UMOD: variants seen among roughly 807,000 people sequenced by gnomAD.
UMOD encodes the protein uromodulin.
A neutral mutation model predicts 66.0 loss-of-function variants in UMOD; 64 were observed. That is an observed-to-expected ratio of 0.97 (90% CI 0.79 to 1.19). UMOD has a LOEUF of 1.19. Among genes scored for constraint, UMOD ranks in the 50% most tolerant of loss-of-function variants. UMOD has a pLI of 0.00. For synonymous variants in UMOD, 398 were observed against 352.7 expected (o/e 1.13, Z -1.44); for missense variants, 764 against 850.9 (o/e 0.90, Z 1.27).
chr16:20,353,611 C>A (rs528391921), upstream of UMOD, among the ~76,000 whole-genome samples: 1 of 152,240 alleles, frequency 6.6e-6, no homozygotes, highest in African/African-American at 2.4e-5. Context: ...AATGACAGAG[C>A]CTGAGTTAAA....
chr16:20,344,207 G>GGGGGGGGGC, intron 5 of UMOD, 35 bp from the exon 6 acceptor site: 1 of 1,360,790 alleles, frequency 7.3e-7, no homozygotes, highest in Non-Finnish European at 1.0e-6. Context: ...GGGGGGTGGG[G>GGGGGGGGGC]ATGAGAGAAA....
intron 7 of UMOD, among the ~76,000 whole-genome samples, chr16:20,340,096 C>T (rs1366512364): frequency 1.3e-5 from 2 of 152,270 alleles, no homozygotes; most frequent in South Asian, 2.1e-4. Context: ...CTACTCAGCT[C>T]TCTGGTGAAG....
rs775408588 is a variant in UMOD, at chr16:20,348,870, TC to T, written c.430del (p.Asp144MetfsTer100). ...CGGGGAGCACTCACAGTGCCATCCATCCCCCCGGTAGCCCGCGGGGCATACG... is the reference window on the plus strand; with the variant it reads ...CGGGGAGCACTCACAGTGCCATCCATCCCCCGGTAGCCCGCGGGGCATACG... Reference protein sequence around the residue: ...LCVCPAGYRGDGWHCECSPGS... With the variant: ...LCVCPAGYRGXGWHCECSPGS... On this transcript the variant is annotated frameshift_variant, in exon 3 of 11. Transcript: ENST00000396138. LOFTEE classifies it high-confidence loss of function. 23 of 1,549,158 alleles carry T rather than the reference TC, an allele frequency of 1.5e-5. No homozygotes were observed. The South Asian group carries it at 2.5e-4, about 17-fold the overall frequency.
chr16:20,350,771 TAGC>T lies in UMOD; in HGVS notation c.-37_-35del. 1 of 1,614,002 alleles carries T rather than the reference TAGC, an allele frequency of 6.2e-7. No individual in the cohort carries two copies. Among genetic ancestry groups the T allele is most frequent in the Non-Finnish European group, 8.5e-7 (1 of 1,179,924 alleles). ...CTCTTCCCGCTACTTCAGGTCTAGA[TAGC>T]ACCTGCCCAAAGGAAAGACGGGTTG... On this transcript the variant is annotated 5_prime_UTR_variant, in exon 2 of 11. Transcript: ENST00000396138.
In UMOD at chr16:20,349,992, C is replaced by T; in HGVS notation, c.88+658G>A. The T allele has an allele frequency of 2.8e-6, 3 of 1,063,060 alleles. No individual in the cohort carries two copies. The South Asian group carries it at 6.2e-5, about 22-fold the overall frequency. 65.9% of individuals were successfully genotyped at this position (1,063,060 alleles called of 1,614,324 possible). A position where few individuals can be genotyped will look rare whatever the true frequency, so the allele number is the denominator to read the frequency against. ...ATCTTGTTGAATACTTCCCAAGGGCCTCGTGAGGTCAGTTTTTTATGTATC... is the reference window on the plus strand; with the variant it reads ...ATCTTGTTGAATACTTCCCAAGGGCTTCGTGAGGTCAGTTTTTTATGTATC... On this transcript the variant is annotated intron_variant, in intron 2 of 10. Transcript: ENST00000396138.
chr16:20,351,393 C>T (rs1412634345), intron 1 of UMOD: 1 of 161,334 alleles, frequency 6.2e-6, no homozygotes, highest in East Asian at 1.7e-4. Context: ...TGGTCACTTA[C>T]TATTTCTTCC....
At chr16:20,343,945 C>A in intron 6 of UMOD, 79 bp downstream of exon 6, 2 of 1,558,202 alleles carry the variant, frequency 1.3e-6, no homozygotes, top group Admixed American at 1.7e-5. Flanking sequence ...CTGTGGGTGG[C>A]AGTTGACAGG....
intron 4 of UMOD, among the ~76,000 whole-genome samples, chr16:20,346,659 G>C (rs764072820): frequency 1.3e-5 from 2 of 152,112 alleles, no homozygotes; most frequent in Non-Finnish European, 2.9e-5. Flanking sequence ...GGCTAGATGC[G>C]GTGGCTCATG....
chr16:20,352,141 T>C (rs1258813571), intron 1 of UMOD, among the ~76,000 whole-genome samples: 1 of 151,830 alleles, frequency 6.6e-6, no homozygotes, highest in African/African-American at 2.4e-5. Flanking sequence ...CTTACTACAT[T>C]AAGTGATTTA....
At chr16:20,334,924 C>T (rs553348918) in intron 10 of UMOD, among the ~76,000 whole-genome samples, 4 of 151,784 alleles carry the variant, frequency 2.6e-5, no homozygotes, top group East Asian at 3.9e-4. Context: ...CTCTGCCCCC[C>T]GTGGTTCAAG....
chr16:20,344,197 GGGGGGT>G, intron 5 of UMOD, 25 bp from the exon 6 acceptor site: 15 of 1,476,260 alleles, frequency 1.0e-5, no homozygotes, highest in Non-Finnish European at 1.3e-5. Flanking sequence ...GGGGGTGGAG[GGGGGGT>G]GGGGATGAGA....
At chr16:20,348,128 A>G (rs1228772700) in intron 4 of UMOD, 95 bp downstream of exon 4, 1 of 1,093,802 alleles carries the variant, frequency 9.1e-7, no homozygotes, top group Non-Finnish European at 1.4e-6. Context: ...CCTGCGTCAT[A>G]CCCATATGGC....
At chr16:20,337,113 A>T (rs1964917381) in intron 8 of UMOD, among the ~76,000 whole-genome samples, 178 bp downstream of exon 8, 1 of 152,148 alleles carries the variant, frequency 6.6e-6, no homozygotes, top group Non-Finnish European at 1.5e-5. Flanking sequence ...CACTTTACTG[A>T]TCCCACCTGA....
upstream of UMOD, among the ~76,000 whole-genome samples, chr16:20,354,767 A>T (rs1966006419): frequency 6.6e-6 from 1 of 152,092 alleles, no homozygotes; most frequent in Admixed American, 6.5e-5. Context: ...GGCCTTACTG[A>T]TCATGGAGGG....
upstream of UMOD, among the ~76,000 whole-genome samples, chr16:20,353,394 T>G (rs1965973271): frequency 6.6e-6 from 1 of 152,222 alleles, no homozygotes; most frequent in Admixed American, 6.5e-5. Flanking sequence ...CTCCTTTATC[T>G]GGTGTTTATT....
chr16:20,352,608 G>A (rs1194185137), intron 1 of UMOD, 81 bp downstream of exon 1: 25 of 1,106,490 alleles, frequency 2.3e-5, no homozygotes, highest in Non-Finnish European at 2.7e-5. Context: ...CAGTGTCCAA[G>A]GTCTTAATTT....
chr16:20,356,295 A>T (rs183467747), upstream of UMOD: 1 of 152,370 alleles, frequency 6.6e-6, no homozygotes, highest in African/African-American at 2.4e-5. Flanking sequence ...TCTATGCCAC[A>T]TGATCTAGTC....
In UMOD at chr16:20,341,207, C is replaced by A. The variant is rs543637841; in HGVS notation, c.1461G>T (p.Val487=). 8.1e-6 allele frequency: 13 copies of A among 1,613,950 alleles called. 3 individuals are homozygous for A. The South Asian group carries it at 1.4e-4, about 18-fold the overall frequency. Residue 487 remains valine (V), a synonymous_variant, in exon 7 of 11, where the codon GTG becomes GTT. Coordinates refer to ENST00000396138, the MANE Select transcript of UMOD (RefSeq NM_003361.4). ...GGTCGCCCCCATCCAACATGGTGCC[C>A]ACGTAGAGAAAAGCCTCAGTGGACA... ...VTLSTEAFLY[V]GTMLDGGDLS...
intron 7 of UMOD, 36 bp downstream of exon 7, chr16:20,341,055 T>C (rs1965182509): frequency 1.9e-6 from 3 of 1,571,080 alleles, no homozygotes; most frequent in Non-Finnish European, 2.6e-6. Context: ...CTCTGAATTC[T>C]ACCCATGAGT....
Sources: allele counts gnomAD v4.1 joint callset (sites outside exome capture counted in the v4.1 genomes callset), GRCh38; gene constraint gnomAD v4.1.1; transcripts MANE v1.5; gene names NCBI Gene and HGNC (gene_info 2026-07-23, HGNC 2026-07-21).